TRA2B: variants seen among roughly 807,000 people sequenced by gnomAD.
The protein encoded by TRA2B is transformer-2 protein homolog beta.
In TRA2B, 14 loss-of-function variants were observed where a neutral mutation model predicts 41.7. That is an observed-to-expected ratio of 0.34 (90% CI 0.22 to 0.53). The LOEUF (loss-of-function observed/expected upper bound fraction) is 0.53. TRA2B is among the 20% of genes least tolerant of loss of function. The pLI, the probability that TRA2B is intolerant of heterozygous loss-of-function variation, is 0.95. For missense variants in TRA2B, 167 were observed against 396.8 expected (o/e 0.42, Z 4.92); for synonymous variants, 130 against 128.8 (o/e 1.01, Z -0.06).
At chr3:185,926,116 T>C (rs1221995905) in intron 2 of TRA2B, among the ~76,000 whole-genome samples, 1 of 152,004 alleles carries the variant, frequency 6.6e-6, no homozygotes, top group Non-Finnish European at 1.5e-5. Context: ...GTGCTGTTAA[T>C]TATGCCTGAC....
chr3:185,927,852 G>C (rs1744011256), intron 1 of TRA2B: 1 of 152,244 alleles, frequency 6.6e-6, no homozygotes, highest in African/African-American at 2.4e-5. Flanking sequence ...CTCCTAGTCA[G>C]TCTGATAGCT....
At position 185,921,197 on chromosome 3, in the gene TRA2B, A is replaced by T; in HGVS notation, c.639-10T>A. On this transcript the variant is annotated splice_polypyrimidine_tract_variant and intron_variant, in intron 5 of 8. Coordinates refer to ENST00000453386, the MANE Select transcript of TRA2B (RefSeq NM_004593.3). The stretch of plus-strand genomic sequence containing the variant: ...ACGGCGAGAGCTGCCACTATGAAGA[A>T]AAAAATATTCAGGTGACCTCCCTTA... 1 of 1,613,724 alleles carries T rather than the reference A, an allele frequency of 6.2e-7. No homozygotes were observed. Among genetic ancestry groups the T allele is most frequent in the Non-Finnish European group, 8.5e-7 (1 of 1,179,728 alleles).
At chr3:185,932,890 T>C (rs1744204693) in intron 1 of TRA2B, among the ~76,000 whole-genome samples, 1 of 152,214 alleles carries the variant, frequency 6.6e-6, no homozygotes, top group African/African-American at 2.4e-5. Flanking sequence ...TGCAAGTCTT[T>C]ATACCTATCT....
chr3:185,920,339 GC>G (rs1743670667), intron 6 of TRA2B, among the ~76,000 whole-genome samples: 1 of 152,122 alleles, frequency 6.6e-6, no homozygotes, highest in African/African-American at 2.4e-5. Flanking sequence ...CTTTTAAAAG[GC>G]TAAGACAGAG....
chr3:185,931,764 T>C, intron 1 of TRA2B: 1 of 1,481,488 alleles, frequency 6.7e-7, no homozygotes, highest in Non-Finnish European at 8.9e-7. Flanking sequence ...TTTTTTCAAA[T>C]TTCAGCTTCA....
chr3:185,935,840 G>GT, intron 1 of TRA2B: 1 of 985,338 alleles, frequency 1.0e-6, no homozygotes, highest in Non-Finnish European at 1.2e-6. Context: ...CAATATGGAA[G>GT]TATTTCACAA....
At chr3:185,935,769 AG>A in intron 1 of TRA2B, 1 of 985,448 alleles carries the variant, frequency 1.0e-6, no homozygotes, top group Non-Finnish European at 1.2e-6. Flanking sequence ...TGTTTGATTC[AG>A]GTGTATTCCA....
chr3:185,918,516 A>G, intron 7 of TRA2B, 78 bp from the exon 8 acceptor site: 1 of 955,702 alleles, frequency 1.0e-6, no homozygotes, highest in Non-Finnish European at 1.6e-6. Flanking sequence ...GACTATATAT[A>G]CTGCCCTTTC....
Position 185,923,991 on chromosome 3 carries a change from A to G in TRA2B, c.334-7T>C, listed in dbSNP as rs560588241. 1.7e-4 allele frequency: 243 copies of G among 1,469,198 alleles called. 1 individual carries two copies. The South Asian group carries it at 2.5e-3, about 15-fold the overall frequency. The allele number at this position is 1,469,198 out of a possible 1,614,324, so 91.0% of individuals were successfully genotyped here. Reference sequence around the variant, plus strand: ...AGTTAGGATCAGGATTTGCCTAGGGAAAAAAAAAAGTTTTAAACTTTGGAA... The same window carrying G: ...AGTTAGGATCAGGATTTGCCTAGGGGAAAAAAAAAGTTTTAAACTTTGGAA... On this transcript the variant is annotated splice_region_variant and splice_polypyrimidine_tract_variant and intron_variant, in intron 3 of 8. Transcript: ENST00000453386.
In TRA2B at chr3:185,917,421, CT is replaced by C; in HGVS notation, c.*293del. ...AATACCCTGGATTCAGTAGAAAAAC[CT>C]TTTAAATGAAGTTTTGTACAATAGA... On this transcript the variant is annotated 3_prime_UTR_variant, in exon 9 of 9. Coordinates refer to ENST00000453386, the MANE Select transcript of TRA2B (RefSeq NM_004593.3). 2 of 390,730 alleles carry C rather than the reference CT, an allele frequency of 5.1e-6. No individual in the cohort carries two copies. Among genetic ancestry groups the C allele is most frequent in the South Asian group, 6.9e-5 (1 of 14,594 alleles). 24.2% of individuals were successfully genotyped at this position (390,730 alleles called of 1,614,324 possible).
intron 1 of TRA2B, chr3:185,937,469 G>A (rs1744408831): frequency 1.9e-6 from 2 of 1,060,740 alleles, no homozygotes; most frequent in Admixed American, 5.4e-5. Context: ...AGCCCAAGAT[G>A]GCTGCGGCGG....
intron 1 of TRA2B, chr3:185,931,973 A>G: frequency 1.4e-6 from 1 of 690,480 alleles, no homozygotes; most frequent in Non-Finnish European, 2.1e-6. Context: ...AAAAAAAAAG[A>G]AACTAGAATA....
At chr3:185,928,883 A>T (rs1744050106) in intron 1 of TRA2B, 1 of 152,200 alleles carries the variant, frequency 6.6e-6, no homozygotes, top group Admixed American at 6.5e-5. Flanking sequence ...AAAAACCTTT[A>T]TTCTAAGCTA....
rs577073880 is a variant in TRA2B, at chr3:185,925,853, A to G, written c.171-227T>C. 4.6e-5 allele frequency among the ~76,000 whole-genome samples: 7 copies of G among 152,332 alleles called. No homozygotes were observed. In the South Asian group the frequency reaches 6.2e-4, roughly 14 times the overall value. On this transcript the variant is annotated intron_variant, in intron 2 of 8. Transcript: ENST00000453386. Reference sequence around the variant, plus strand: ...TCTCCTCCAGTATTTCTTCCAATTAAAGACATATTACTTATCTTTTACAAA... The same window carrying G: ...TCTCCTCCAGTATTTCTTCCAATTAGAGACATATTACTTATCTTTTACAAA...
Position 185,915,278 on chromosome 3 carries a change from C to T in TRA2B, c.*2437G>A, listed in dbSNP as rs1243495819. Among the ~76,000 whole-genome samples, 1 of 152,230 alleles carries T rather than the reference C, an allele frequency of 6.6e-6. No homozygotes were observed. The highest frequency in any genetic ancestry group is 1.5e-5 in the Non-Finnish European group (1 of 68,040). ...GTATAAAACTATTTAACTTAGCAATCTTCCAAATGAACTTTACATTTGGTT... is the reference window on the plus strand; with the variant it reads ...GTATAAAACTATTTAACTTAGCAATTTTCCAAATGAACTTTACATTTGGTT... On this transcript the variant is annotated 3_prime_UTR_variant, in exon 9 of 9. Transcript: ENST00000453386.
intron 3 of TRA2B, 149 bp from the exon 4 acceptor site, chr3:185,924,133 A>G: frequency 3.5e-6 from 2 of 579,154 alleles, no homozygotes; most frequent in Non-Finnish European, 5.4e-6. Flanking sequence ...ACAAAATTAC[A>G]GCAAGTACTA....
At chr3:185,921,047 G>T in intron 6 of TRA2B, 57 bp downstream of exon 6, 1 of 1,476,160 alleles carries the variant, frequency 6.8e-7, no homozygotes, top group Non-Finnish European at 9.5e-7. Context: ...TAAGCATAGT[G>T]CTGCTCTGTA....
chr3:185,925,402 C>T (rs572501457), intron 3 of TRA2B, 62 bp downstream of exon 3: 5 of 1,576,764 alleles, frequency 3.2e-6, no homozygotes, highest in Non-Finnish European at 4.3e-6. Context: ...AAAATCAGCT[C>T]TAACTTTAAG....
chr3:185,931,389 GACT>G (rs1744151163), intron 1 of TRA2B: 1 of 221,742 alleles, frequency 4.5e-6, no homozygotes, highest in African/African-American at 2.3e-5. Context: ...CCTGGTGCTT[GACT>G]ACTAAATATT....
Sources: gnomAD v4.1 joint callset for allele counts (sites outside exome capture counted in the v4.1 genomes callset) on GRCh38, gnomAD v4.1.1 for gene constraint, MANE v1.5 for transcripts, NCBI Gene and HGNC (gene_info 2026-07-23, HGNC 2026-07-21) for gene names.